Variants in SLIT2 observed in about 807,000 individuals in gnomAD.
SLIT2 encodes slit homolog 2 protein.
SLIT2 carries 41 observed loss-of-function variants against 185.7 expected under a neutral mutation model. The ratio of observed to expected loss-of-function variants is 0.22; its 90% confidence interval spans 0.17 to 0.29. SLIT2 has a LOEUF of 0.29. SLIT2 is among the 10% of genes least tolerant of loss of function. SLIT2 has a pLI of 1.00. For missense variants in SLIT2, 1,571 were observed against 1,909.0 expected, an observed-to-expected ratio of 0.82 and a Z score of 3.30; for synonymous variants, 693 against 680.2, an observed-to-expected ratio of 1.02 and a Z score of -0.29.
At chr4:20,574,786 CAA>C (rs57022828) in intron 29 of SLIT2, among the ~76,000 whole-genome samples, 89 of 86,140 alleles carry the variant, frequency 1.0e-3, no homozygotes, top group East Asian at 2.4e-3. Flanking sequence ...GACTCGCTTT[CAA>C]AAAAAAAAAA....
intron 4 of SLIT2, among the ~76,000 whole-genome samples, chr4:20,424,612 A>G (rs1364828298): frequency 6.6e-6 from 1 of 152,134 alleles, no homozygotes; most frequent in Non-Finnish European, 1.5e-5. Flanking sequence ...GCATGATTCC[A>G]TAGAAATCTA....
intron 26 of SLIT2, among the ~76,000 whole-genome samples, chr4:20,564,644 G>T (rs1344257050): frequency 6.6e-6 from 1 of 151,894 alleles, no homozygotes; most frequent in African/African-American, 2.4e-5. Flanking sequence ...GGTAAAGTTG[G>T]TAGTCATGAG....
chr4:20,356,077 C>A (rs1722299778), intron 4 of SLIT2, among the ~76,000 whole-genome samples: 1 of 152,082 alleles, frequency 6.6e-6, no homozygotes, highest in Admixed American at 6.6e-5. Context: ...ATCTTTTAAT[C>A]ATTCAGTGTT....
intron 5 of SLIT2, among the ~76,000 whole-genome samples, chr4:20,476,176 T>C (rs1460081771): frequency 6.6e-6 from 1 of 152,182 alleles, no homozygotes; most frequent in Non-Finnish European, 1.5e-5. Context: ...GGGGCTACTC[T>C]TTAAAAGCAT....
intron 4 of SLIT2, among the ~76,000 whole-genome samples, chr4:20,345,995 T>A (rs1168657662): frequency 6.6e-6 from 1 of 151,740 alleles, no homozygotes; most frequent in Non-Finnish European, 1.5e-5. Context: ...TTTATTTTTG[T>A]TGTTGTTGTT....
At chr4:20,365,619 C>A (rs780272434) in intron 4 of SLIT2, among the ~76,000 whole-genome samples, 3 of 152,138 alleles carry the variant, frequency 2.0e-5, no homozygotes, top group Non-Finnish European at 4.4e-5. Flanking sequence ...TTTCACATCT[C>A]ATTGGGCAAC....
rs377431117 is a variant in SLIT2, at chr4:20,500,797, T to C, written c.914+8898T>C. Among the ~76,000 whole-genome samples the C allele has an allele frequency of 3.9e-5, 6 of 152,306 alleles. No homozygotes were observed. The East Asian group carries it at 9.7e-4, about 25-fold the overall frequency. On this transcript the variant is annotated intron_variant, in intron 9 of 36. Coordinates refer to ENST00000504154, the MANE Select transcript of SLIT2 (RefSeq NM_004787.4). Reference sequence around the variant, plus strand: ...TTGAGATAAGAAGCTATCATGCCGATGCAGGCAATTAGAATTGCGTTCTCA... The same window carrying C: ...TTGAGATAAGAAGCTATCATGCCGACGCAGGCAATTAGAATTGCGTTCTCA...
chr4:20,415,857 A>C (rs1727630427), intron 4 of SLIT2, among the ~76,000 whole-genome samples: 1 of 152,210 alleles, frequency 6.6e-6, no homozygotes. Context: ...TTGTTATATT[A>C]TCAAAGATAC....
rs190076935 is a variant in SLIT2 at position 20,350,220 on chromosome 4, T to C, written c.395+81339T>C. Among the ~76,000 whole-genome samples, 8 of 152,268 alleles carry C rather than the reference T, an allele frequency of 5.3e-5. No individual in the cohort carries two copies. The East Asian group carries it at 1.5e-3, about 29-fold the overall frequency. ...AGCACTGAGCAGAGCATACTTTTGA[T>C]TCTGAAGTGATTTTTTTTATTAAAT... On this transcript the variant is annotated intron_variant, in intron 4 of 36. Coordinates refer to ENST00000504154, the MANE Select transcript of SLIT2 (RefSeq NM_004787.4).
rs148679864 is a variant in SLIT2, at chr4:20,539,471, G to A, written c.1863G>A (p.Val621=). The change falls in exon 19 of 37, where the codon GTG becomes GTA. Residue 621 remains valine (V), a synonymous_variant. Coordinates refer to ENST00000504154, the MANE Select transcript of SLIT2 (RefSeq NM_004787.4). ...TGAGAAGCAATCGAATAACCTGTGT[G>A]GGGAATGACAGTTTCATAGGACTCA... ...LMLRSNRITC[V]GNDSFIGLSS... 8.1e-6 allele frequency: 13 copies of A among 1,613,290 alleles called. No individual in the cohort carries two copies. The highest frequency in any genetic ancestry group is 5.0e-5 in the Admixed American group (3 of 59,896).
intron 29 of SLIT2, 83 bp from the exon 30 acceptor site, chr4:20,589,561 A>G: frequency 9.6e-7 from 1 of 1,046,584 alleles, no homozygotes; most frequent in Non-Finnish European, 1.5e-6. Flanking sequence ...CCTAACCTCT[A>G]AGACCCATGA....
In SLIT2 at chr4:20,518,255, A is replaced by ATAT. The variant is rs1553916513; in HGVS notation, c.1059-1126_1059-1125insATT. Among the ~76,000 whole-genome samples, 653 of 87,470 alleles carry ATAT rather than the reference A, an allele frequency of 7.5e-3. 26 individuals are homozygous for ATAT. Among genetic ancestry groups the ATAT allele is most frequent in the African/African-American group, 0.02 (488 of 24,798 alleles). The allele number at this position is 87,470 out of a possible 152,430, so 57.4% of individuals were successfully genotyped here. A position where few individuals can be genotyped will look rare whatever the true frequency, so the allele number is the denominator to read the frequency against. On this transcript the variant is annotated intron_variant, in intron 11 of 36. Coordinates refer to ENST00000504154, the MANE Select transcript of SLIT2 (RefSeq NM_004787.4). ...TGTGTGTGTGTATATATATATATATATTTTTTTTTTTTTTTGAGACAGAGT... is the reference window on the plus strand; with the variant it reads ...TGTGTGTGTGTATATATATATATATATATTTTTTTTTTTTTTTTGAGACAGAGT...
rs748716275 is a variant in SLIT2, at chr4:20,546,053, A to G, written c.2299A>G (p.Thr767Ala). 6.3e-7 allele frequency: 1 copy of G among 1,584,798 alleles called. No individual in the cohort carries two copies. Among genetic ancestry groups the G allele is most frequent in the Non-Finnish European group, 8.6e-7 (1 of 1,159,634 alleles). ...TAGGTATCTGGATGGAAACCAATTT[A>G]CACTGGTTCCCAAGGAACTCTCCAA... is the stretch of plus-strand genomic sequence containing the variant. ...TELYLDGNQF[T>A]LVPKELSNYK... Residue 767 changes from threonine to alanine, a missense_variant, in exon 22 of 37, where the codon ACA (threonine) becomes GCA (alanine). Around this residue, in one of 3 missense-constraint regions of SLIT2, gnomAD observed 1,202 missense variants for 1,416.4 expected, o/e 0.85. Coordinates refer to ENST00000504154, the MANE Select transcript of SLIT2 (RefSeq NM_004787.4).
rs532454132 is a variant in SLIT2 at position 20,443,734 on chromosome 4, T to C, written c.396-24018T>C. ...ATTTATTTTAGAAATTATCCTGGAA[T>C]GTTTGAGCTTAACTATAGCCTTGAA... On this transcript the variant is annotated intron_variant, in intron 4 of 36. Coordinates refer to ENST00000504154, the MANE Select transcript of SLIT2 (RefSeq NM_004787.4). 1.5e-3 allele frequency among the ~76,000 whole-genome samples: 223 copies of C among 152,236 alleles called. 1 individual carries two copies. The highest frequency in any genetic ancestry group is 5.0e-3 in the African/African-American group (206 of 41,548).
At chr4:20,537,497 A>G (rs951033158) in intron 18 of SLIT2, among the ~76,000 whole-genome samples, 4 of 152,180 alleles carry the variant, frequency 2.6e-5, no homozygotes, top group African/African-American at 9.7e-5. Context: ...AGGAACTTAT[A>G]TCAAAGTATT....
intron 33 of SLIT2, among the ~76,000 whole-genome samples, chr4:20,605,537 G>A (rs1019680077): frequency 6.6e-6 from 1 of 152,166 alleles, no homozygotes; most frequent in African/African-American, 2.4e-5. Context: ...GTTCCCTAGG[G>A]AGTGGTGAAA....
At position 20,254,993 on chromosome 4, in the gene SLIT2, C is replaced by T. The variant is rs1335015612; in HGVS notation, c.179+999C>T. ...CCACGCGCTCCTGATGAGGCGCTTC[C>T]AGAGTTCAGCGAAGTGGAGCATGGA... On this transcript the variant is annotated intron_variant, in intron 1 of 36. Coordinates refer to ENST00000504154, the MANE Select transcript of SLIT2 (RefSeq NM_004787.4). The surrounding 1 kb of genome is among the most constrained non-coding windows in gnomAD (Gnocchi z 5.1). The T allele has an allele frequency of 2.2e-6, 1 of 456,314 alleles. No individual in the cohort carries two copies. Among genetic ancestry groups the T allele is most frequent in the African/African-American group, 2.0e-5 (1 of 50,208 alleles). The allele number at this position is 456,314 out of a possible 1,614,324, so 28.3% of individuals were successfully genotyped here. A position where few individuals can be genotyped will look rare whatever the true frequency, so the allele number is the denominator to read the frequency against.
At chr4:20,338,853 C>T (rs1720726418) in intron 4 of SLIT2, among the ~76,000 whole-genome samples, 1 of 151,892 alleles carries the variant, frequency 6.6e-6, no homozygotes, top group South Asian at 2.1e-4. Flanking sequence ...CTTTGGGAGG[C>T]CCAGGCAGGA....
chr4:20,308,800 A>G (rs560165424), intron 4 of SLIT2, among the ~76,000 whole-genome samples: 38 of 152,296 alleles, frequency 2.5e-4, no homozygotes, highest in African/African-American at 8.2e-4. Flanking sequence ...AAGTAATGTC[A>G]AGTTTCTAGT....
Sources: gnomAD v4.1 joint callset for allele counts (sites outside exome capture counted in the v4.1 genomes callset) on GRCh38, gnomAD v4.1.1 for gene constraint, gnomAD v4.1.1 regional missense constraint, Gnocchi (gnomAD v3.1) non-coding constraint, MANE v1.5 for transcripts, NCBI Gene and HGNC (gene_info 2026-07-23, HGNC 2026-07-21) for gene names.